Variants in PFKFB1 observed in about 807,000 individuals in gnomAD.
PFKFB1 encodes the protein 6-phosphofructo-2-kinase/fructose-2,6-bisphosphatase 1.
In PFKFB1, 34 loss-of-function variants were observed where a neutral mutation model predicts 46.4. The observed-to-expected ratio is 0.73, with a 90% confidence interval of 0.56 to 0.98. The LOEUF (loss-of-function observed/expected upper bound fraction) is 0.98, where lower values mean the gene tolerates loss of function less well. PFKFB1 is among the 50% of genes least tolerant of loss of function. The pLI is 0.00. For missense variants in PFKFB1, 393 were observed against 376.3 expected, an observed-to-expected ratio of 1.04 and a Z score of -0.37; for synonymous variants, 119 against 133.8, an observed-to-expected ratio of 0.89 and a Z score of 0.76.
At chrX:54,950,096 C>G (rs1480213138) in intron 8 of PFKFB1, among the ~76,000 whole-genome samples, 3 of 112,230 alleles carry the variant, frequency 2.7e-5, no homozygotes, top group Non-Finnish European at 1.9e-5. Flanking sequence ...ATTTCCTCCT[C>G]TGTGTATAGG....
chrX:54,933,388 C>A lies in PFKFB1; in HGVS notation c.*15G>T. ...GGCGATGAGGACACAGGCAGTTTGA[C>A]TTCTTGGAAAGGGCTCAGTAGTGGG... is the stretch of plus-strand genomic sequence containing the variant. On this transcript the variant is annotated 3_prime_UTR_variant, in exon 14 of 14. Coordinates refer to ENST00000375006, the MANE Select transcript of PFKFB1 (RefSeq NM_002625.4). 1 of 1,192,890 alleles carries A rather than the reference C, an allele frequency of 8.4e-7. No homozygotes were observed. The highest frequency in any genetic ancestry group is 1.1e-6 in the Non-Finnish European group (1 of 878,387).
At chrX:54,943,197 T>C (rs896014386) in intron 10 of PFKFB1, among the ~76,000 whole-genome samples, 1 of 111,500 alleles carries the variant, frequency 9.0e-6, no homozygotes, top group African/African-American at 3.3e-5. Flanking sequence ...CTAGACATAT[T>C]AGAGGGAAAC....
At chrX:54,960,996 G>A (rs774800102) in intron 2 of PFKFB1, 79 bp from the exon 3 acceptor site, 6 of 564,523 alleles carry the variant, frequency 1.1e-5, no homozygotes, top group Admixed American at 2.5e-5. Flanking sequence ...AGGGACCTCA[G>A]AGGTAGAAGA....
chrX:54,982,685 T>C lies in PFKFB1; in HGVS notation c.97+11226A>G, dbSNP rs183141106. Among the ~76,000 whole-genome samples the C allele has an allele frequency of 1.3e-4, 15 of 111,125 alleles. 1 individual carries two copies. The highest frequency in any genetic ancestry group is 4.2e-4 in the African/African-American group (13 of 30,650). ...ACTTGAGCATTCATGGATTTTGGTA[T>C]CTGCAGGGGTTCCTAGAACCAATCC... On this transcript the variant is annotated intron_variant, in intron 1 of 13. Transcript: ENST00000375006.
chrX:54,962,455 C>G (rs1355103905), intron 2 of PFKFB1, among the ~76,000 whole-genome samples: 1 of 112,408 alleles, frequency 8.9e-6, no homozygotes, highest in Non-Finnish European at 1.9e-5. Context: ...TCCTCAAGGA[C>G]AGGGTGTGAG....
intron 7 of PFKFB1, among the ~76,000 whole-genome samples, chrX:54,955,945 A>C (rs1934119689): frequency 8.9e-6 from 1 of 112,218 alleles, no homozygotes; most frequent in Non-Finnish European, 1.9e-5. Flanking sequence ...TGCTCAGGAA[A>C]GCACTATTTT....
chrX:54,955,632 G>A (rs1934111928), intron 7 of PFKFB1, among the ~76,000 whole-genome samples: 2 of 111,450 alleles, frequency 1.8e-5, no homozygotes, highest in Non-Finnish European at 3.8e-5. Context: ...TGGGAGTGTT[G>A]TGAAAAGAGA....
intron 1 of PFKFB1, among the ~76,000 whole-genome samples, chrX:54,969,583 A>G (rs772241044): frequency 6.9e-4 from 78 of 112,615 alleles, no homozygotes; most frequent in African/African-American, 2.3e-3. Flanking sequence ...TTTTTACAAA[A>G]TACAATATCC....
At chrX:54,975,153 C>T (rs372567504) in intron 1 of PFKFB1, among the ~76,000 whole-genome samples, 32 of 111,190 alleles carry the variant, frequency 2.9e-4, no homozygotes, top group Admixed American at 1.3e-3. Flanking sequence ...CATGTGCACA[C>T]GCATGTTTAT....
chrX:54,989,580 C>T (rs189305431), intron 1 of PFKFB1, among the ~76,000 whole-genome samples: 12 of 112,009 alleles, frequency 1.1e-4, no homozygotes, highest in Non-Finnish European at 1.9e-4. Context: ...ACAACTTAAT[C>T]GAGGTATATA....
intron 10 of PFKFB1, among the ~76,000 whole-genome samples, chrX:54,938,960 C>T (rs1351087420): frequency 3.6e-5 from 4 of 111,937 alleles, no homozygotes; most frequent in African/African-American, 1.3e-4. Context: ...CCACACCGCA[C>T]TTATTCCAAA....
At chrX:54,996,274 T>C (rs955681709), upstream of PFKFB1, among the ~76,000 whole-genome samples, 1 of 112,444 alleles carries the variant, frequency 8.9e-6, no homozygotes, top group Non-Finnish European at 1.9e-5. Flanking sequence ...CCCTGTATGT[T>C]TTCCATTGCC....
chrX:54,949,469 G>A (rs1373116497), intron 8 of PFKFB1, among the ~76,000 whole-genome samples: 1 of 107,580 alleles, frequency 9.3e-6, no homozygotes, highest in African/African-American at 3.4e-5. Context: ...CTTATTTGAC[G>A]ATTGCTCACC....
chrX:54,957,483 A>G (rs1934185762), intron 6 of PFKFB1, among the ~76,000 whole-genome samples: 1 of 110,873 alleles, frequency 9.0e-6, no homozygotes, highest in Non-Finnish European at 1.9e-5. Context: ...AATGCCCAGA[A>G]TGGCCAAGAC....
upstream of PFKFB1, among the ~76,000 whole-genome samples, chrX:54,996,737 C>A (rs895035982): frequency 8.9e-6 from 1 of 111,803 alleles, no homozygotes; most frequent in Non-Finnish European, 1.9e-5. Context: ...TTAAACTGCA[C>A]TGGCTGACTC....
rs201439181 is a variant in PFKFB1 at position 54,975,897 on chromosome X, C to CA, written c.98-12516dup. 3.4e-3 allele frequency among the ~76,000 whole-genome samples: 381 copies of CA among 111,051 alleles called. 1 individual carries two copies. The highest frequency in any genetic ancestry group is 5.6e-3 in the Non-Finnish European group (295 of 52,798). On this transcript the variant is annotated intron_variant, in intron 1 of 13. Coordinates refer to ENST00000375006, the MANE Select transcript of PFKFB1 (RefSeq NM_002625.4). ...TGCTAGAACGATTGGAAGTCCACTG[C>CA]AAAAAATGAACTTGAATACTTAAAC... is the stretch of plus-strand genomic sequence containing the variant.
At chrX:54,952,501 T>G (rs770942135) in intron 7 of PFKFB1, among the ~76,000 whole-genome samples, 2 of 110,362 alleles carry the variant, frequency 1.8e-5, no homozygotes, top group African/African-American at 6.6e-5. Flanking sequence ...GCTCCTGACT[T>G]GTTCACTCCT....
chrX:54,961,862 G>C (rs7050286), intron 2 of PFKFB1, among the ~76,000 whole-genome samples: 4,281 of 111,603 alleles, frequency 0.038, 223 homozygotes, highest in African/African-American at 0.13. Flanking sequence ...CGGGAGTCAG[G>C]AACAAAGGCA....
At chrX:54,973,824 G>T (rs1025263166) in intron 1 of PFKFB1, among the ~76,000 whole-genome samples, 1 of 111,186 alleles carries the variant, frequency 9.0e-6, no homozygotes, top group African/African-American at 3.3e-5. Flanking sequence ...CTGTTGATTT[G>T]GGGTGGAGAG....
Sources: allele counts gnomAD v4.1 joint callset (sites outside exome capture counted in the v4.1 genomes callset), GRCh38; gene constraint gnomAD v4.1.1; transcripts MANE v1.5; gene names NCBI Gene and HGNC (gene_info 2026-07-23, HGNC 2026-07-21).